The following KIF26A variants were observed in gnomAD, a reference collection of about 807,000 sequenced individuals.
KIF26A encodes kinesin-like protein KIF26A.
A neutral mutation model predicts 126.0 loss-of-function variants in KIF26A; 74 were observed. That is an observed-to-expected ratio of 0.59 (90% CI 0.49 to 0.71). KIF26A has a LOEUF of 0.71. KIF26A is among the 30% of genes least tolerant of loss of function. The pLI is 0.00. For synonymous variants in KIF26A, 1,445 were observed against 1,232.7 expected (o/e 1.17, Z -3.61); for missense variants, 2,984 against 2,763.3 (o/e 1.08, Z -1.79).
chr14:104,175,778 C>T lies in KIF26A; in HGVS notation c.2990C>T (p.Ala997Val). 2 of 1,536,630 alleles carry T rather than the reference C, an allele frequency of 1.3e-6. No homozygotes were observed. The highest frequency in any genetic ancestry group is 1.7e-6 in the Non-Finnish European group (2 of 1,145,426). The change falls in exon 12 of 15, where the codon GCC becomes GTC. Residue 997 changes from alanine (A) to valine (V), a missense_variant. Coordinates refer to ENST00000423312, the MANE Select transcript of KIF26A (RefSeq NM_015656.2). Reference sequence around the variant, plus strand: ...GCTGGGTCCCCGATGCTTCCTGGGGCCACCTGCCCCCGCCTGGCTGCTGGC... The same window carrying T: ...GCTGGGTCCCCGATGCTTCCTGGGGTCACCTGCCCCCGCCTGGCTGCTGGC... ...QVAGSPMLPG[A>V]TCPRLAAGSR...
chr14:104,143,309 G>A (rs576777830), intron 2 of KIF26A, among the ~76,000 whole-genome samples: 14 of 152,334 alleles, frequency 9.2e-5, no homozygotes, highest in African/African-American at 3.4e-4. Context: ...AGCTCCGGGT[G>A]GCCCCTGTGT....
At chr14:104,150,209 T>A (rs189463483) in intron 2 of KIF26A, among the ~76,000 whole-genome samples, 19 of 79,420 alleles carry the variant, frequency 2.4e-4, no homozygotes, top group African/African-American at 8.9e-4. Flanking sequence ...CCCCACCCCC[T>A]CCTCCTCCTC....
intron 5 of KIF26A, among the ~76,000 whole-genome samples, chr14:104,170,674 G>A (rs2037948392): frequency 6.6e-6 from 1 of 152,252 alleles, no homozygotes; most frequent in Non-Finnish European, 1.5e-5. Context: ...GTTCAGGGTG[G>A]CCCTCGTGTG....
intron 2 of KIF26A, among the ~76,000 whole-genome samples, chr14:104,142,715 C>A (rs563461042): frequency 6.6e-6 from 1 of 152,204 alleles, no homozygotes; most frequent in Non-Finnish European, 1.5e-5. Context: ...CACCCACCAC[C>A]GCAAACTGTT....
Position 104,151,954 on chromosome 14 carries a change from T to A in KIF26A, c.289-61T>A. ...ATGGACGGTGAGAGTGCTGGTGGGC[T>A]CTGGGTGCCGGCCCTCCCTCCCCAG... On this transcript the variant is annotated intron_variant, in intron 2 of 14. Coordinates refer to ENST00000423312, the MANE Select transcript of KIF26A (RefSeq NM_015656.2). The surrounding 1 kb of genome is among the most constrained non-coding windows in gnomAD (Gnocchi z 4.9). The A allele has an allele frequency of 6.7e-7, 1 of 1,487,696 alleles. No homozygotes were observed. The highest frequency in any genetic ancestry group is 9.4e-7 in the Non-Finnish European group (1 of 1,067,578). 92.2% of individuals were successfully genotyped at this position (1,487,696 alleles called of 1,614,324 possible).
chr14:104,157,162 G>A (rs1039520852), intron 3 of KIF26A, among the ~76,000 whole-genome samples: 19 of 152,288 alleles, frequency 1.2e-4, no homozygotes, highest in South Asian at 4.1e-4. Context: ...TGTCCCGGGC[G>A]TTTAATTACG....
rs1291777234 is a variant in KIF26A, at chr14:104,160,611, CG to C, written c.923+2672del. Among the ~76,000 whole-genome samples, 8 of 152,202 alleles carry C rather than the reference CG, an allele frequency of 5.3e-5. No homozygotes were observed. In the East Asian group the frequency reaches 1.4e-3, roughly 26 times the overall value. ...GTTCGGGAGGGTGGGGCGCGTGGGC[CG>C]GGTGGCCCCGGGGTTAGGAGTTCTC... is the stretch of plus-strand genomic sequence containing the variant. On this transcript the variant is annotated intron_variant, in intron 4 of 14. Transcript: ENST00000423312.
intron 4 of KIF26A, among the ~76,000 whole-genome samples, chr14:104,160,611 C>T (rs1048438091): frequency 1.4e-4 from 22 of 152,084 alleles, no homozygotes; most frequent in African/African-American, 4.1e-4. Flanking sequence ...GCGCGTGGGC[C>T]GGGTGGCCCC....
In KIF26A at chr14:104,175,854, G is replaced by T; in HGVS notation, c.3066G>T (p.Arg1022=). 1 of 1,539,360 alleles carries T rather than the reference G, an allele frequency of 6.5e-7. No homozygotes were observed. ...GLLTTTVTLQ[R]PVELNGEDEL... is the part of the protein sequence containing the mutation. The stretch of plus-strand genomic sequence containing the variant: ...TCACCACCACAGTGACCCTGCAGCG[G>T]CCAGTGGAGCTCAACGGCGAGGACG... The change falls in exon 12 of 15, where the codon CGG becomes CGT. Residue 1022 remains arginine, a synonymous_variant. Coordinates refer to ENST00000423312, the MANE Select transcript of KIF26A (RefSeq NM_015656.2).
chr14:104,147,216 C>T (rs1308222053), intron 2 of KIF26A, among the ~76,000 whole-genome samples: 2 of 152,204 alleles, frequency 1.3e-5, no homozygotes, highest in South Asian at 2.1e-4. Flanking sequence ...CCTTGCCTGT[C>T]TGGCCTTTAA....
chr14:104,141,327 G>A (rs566700553), intron 2 of KIF26A, among the ~76,000 whole-genome samples: 1 of 152,336 alleles, frequency 6.6e-6, no homozygotes, highest in South Asian at 2.1e-4. Context: ...TTTCCCCAGG[G>A]GCCCGTTTCG....
chr14:104,138,998 G>T, intron 1 of KIF26A, 45 bp from the exon 2 acceptor site: 2 of 1,323,146 alleles, frequency 1.5e-6, no homozygotes, highest in Admixed American at 8.4e-5. Flanking sequence ...TGGATCCGAC[G>T]GACGTCCCAG....
chr14:104,166,652 C>G (rs1369405085), intron 4 of KIF26A, among the ~76,000 whole-genome samples: 2 of 151,210 alleles, frequency 1.3e-5, no homozygotes, highest in East Asian at 3.9e-4. Flanking sequence ...TGGGCAGAGT[C>G]CCTGGGGCAG....
rs757884583 is a variant in KIF26A at position 104,157,883 on chromosome 14, C to G, written c.864C>G (p.Pro288=). The G allele has an allele frequency of 3.8e-6, 6 of 1,583,300 alleles. No individual in the cohort carries two copies. The highest frequency in any genetic ancestry group is 5.2e-6 in the Non-Finnish European group (6 of 1,162,326). The change falls in exon 4 of 15, where the codon CCC becomes CCG. Residue 288 remains proline (P), a synonymous_variant. Coordinates refer to ENST00000423312, the MANE Select transcript of KIF26A (RefSeq NM_015656.2). Reference sequence around the variant, plus strand: ...TCTGCACGTCAGCCCTGGTCACCCCCACCCCGGGCTCGGTGGGGGGCTCCA... The same window carrying G: ...TCTGCACGTCAGCCCTGGTCACCCCGACCCCGGGCTCGGTGGGGGGCTCCA... ...GGVCTSALVT[P]TPGSVGGSTG...
In KIF26A at chr14:104,152,210, G is replaced by C; in HGVS notation, c.484G>C (p.Ala162Pro). 1 of 1,600,492 alleles carries C rather than the reference G, an allele frequency of 6.2e-7. No individual in the cohort carries two copies. Among genetic ancestry groups the C allele is most frequent in the Non-Finnish European group, 8.5e-7 (1 of 1,175,414 alleles). ...LDAPHGGPSLAPPSTTTSSRD... is the reference protein window; with the variant it reads ...LDAPHGGPSLPPPSTTTSSRD... ...CGCCCCCCATGGAGGCCCCAGCCTCGCACCCCCCAGCACCACGACCAGCTC... is the reference window on the plus strand; with the variant it reads ...CGCCCCCCATGGAGGCCCCAGCCTCCCACCCCCCAGCACCACGACCAGCTC... Residue 162 changes from alanine (A) to proline (P), a missense_variant, in exon 3 of 15, where the codon GCA becomes CCA. Ala to Pro is a conservative substitution (Grantham distance 27). Transcript: ENST00000423312. This position sits in a 1 kb window ranked among gnomAD's most constrained non-coding sequence, Gnocchi z 5.9.
intron 3 of KIF26A, among the ~76,000 whole-genome samples, chr14:104,157,552 G>A (rs2037791544): frequency 6.6e-6 from 1 of 152,186 alleles, no homozygotes; most frequent in Admixed American, 6.5e-5. Flanking sequence ...TCACGGCCCA[G>A]GCAGGCCTTC....
Position 104,177,059 on chromosome 14 carries a change from G to C in KIF26A, c.4271G>C (p.Ser1424Thr). 3 of 1,589,492 alleles carry C rather than the reference G, an allele frequency of 1.9e-6. No individual in the cohort carries two copies. The highest frequency in any genetic ancestry group is 2.6e-6 in the Non-Finnish European group (3 of 1,176,032). ...ACGTCCAGCCTGAAGGCCCGGGCCA[G>C]CAAGGTAGAAGCAGCACACCGTCTT... ...RATSSLKARA[S>T]KVEAAHRLAG... is the part of the protein sequence containing the mutation. Residue 1424 changes from serine to threonine, a missense_variant, in exon 12 of 15, where the codon AGC (serine) becomes ACC (threonine). Coordinates refer to ENST00000423312, the MANE Select transcript of KIF26A (RefSeq NM_015656.2).
In KIF26A at chr14:104,166,964, C is replaced by T; in HGVS notation, c.1029C>T (p.Val343=). Residue 343 remains valine (V), a synonymous_variant, in exon 5 of 15, where the codon GTC becomes GTT. Transcript: ENST00000423312. ...CCTACCCCACCGACTTCAGCGGGGT[C>T]CTGCAGCTGTGGCCGCCCCCGGCGC... ...TSTYPTDFSG[V]LQLWPPPAPP... is the part of the protein sequence containing the mutation. The T allele has an allele frequency of 6.3e-7, 1 of 1,590,474 alleles. No individual in the cohort carries two copies. The highest frequency in any genetic ancestry group is 8.6e-7 in the Non-Finnish European group (1 of 1,169,504).
At chr14:104,172,937 C>G (rs776992161) in intron 7 of KIF26A, 40 bp from the exon 8 acceptor site, 5 of 1,534,644 alleles carry the variant, frequency 3.3e-6, no homozygotes, top group Admixed American at 1.9e-5. Flanking sequence ...AGGCTCCTTG[C>G]GTGGTGTGTG....
Sources: allele counts gnomAD v4.1 joint callset (sites outside exome capture counted in the v4.1 genomes callset), GRCh38; gene constraint gnomAD v4.1.1; non-coding constraint Gnocchi (gnomAD v3.1); transcripts MANE v1.5; gene names NCBI Gene and HGNC (gene_info 2026-07-23, HGNC 2026-07-21).